The following RPS6KA2 variants were observed in gnomAD, a reference collection of about 807,000 sequenced individuals.
RPS6KA2 encodes ribosomal protein S6 kinase A2.
RPS6KA2 carries 42 observed loss-of-function variants against 91.8 expected under a neutral mutation model. The ratio of observed to expected loss-of-function variants is 0.46; its 90% CI spans 0.36 to 0.59. The LOEUF is 0.59. RPS6KA2 is among the 20% of genes least tolerant of loss of function. RPS6KA2 has a pLI of 0.00. For missense variants in RPS6KA2, 798 were observed against 978.5 expected (o/e 0.82, Z 2.46); for synonymous variants, 414 against 393.6 (o/e 1.05, Z -0.61).
At chr6:166,804,622 T>G (rs1779445525) in intron 2 of RPS6KA2, among the ~76,000 whole-genome samples, 1 of 152,172 alleles carries the variant, frequency 6.6e-6, no homozygotes, top group African/African-American at 2.4e-5. Flanking sequence ...GAGTATTATA[T>G]ATTTATCTAT....
At chr6:166,637,131 G>C (rs1043739232) in intron 2 of RPS6KA2, among the ~76,000 whole-genome samples, 4 of 152,212 alleles carry the variant, frequency 2.6e-5, no homozygotes, top group Non-Finnish European at 4.4e-5. Flanking sequence ...GGGGAGTGCT[G>C]ATATGCTAGG....
rs1430201860 is a variant in RPS6KA2, at chr6:166,409,979, A to G, written c.*2783T>C. On this transcript the variant is annotated 3_prime_UTR_variant, in exon 21 of 21. Coordinates refer to ENST00000265678, the MANE Select transcript of RPS6KA2 (RefSeq NM_021135.6). ...AAAGTGAAATCCTCACCTCTTGCCC[A>G]TGTTTGACTTTGGGATGGAATTCAG... 3 of 152,222 alleles carry G rather than the reference A, an allele frequency of 2.0e-5. No individual in the cohort carries two copies. The highest frequency in any genetic ancestry group is 7.2e-5 in the African/African-American group (3 of 41,458). 9.4% of individuals were successfully genotyped at this position (152,222 alleles called of 1,614,324 possible).
Position 166,412,740 on chromosome 6 carries a change from G to C in RPS6KA2, c.*22C>G, listed in dbSNP as rs189888320. 3.8e-6 allele frequency: 6 copies of C among 1,569,388 alleles called. No homozygotes were observed. In the African/African-American group the frequency reaches 4.0e-5, roughly 11 times the overall value. ...GCCCACGAGGATGCTGGCAGGGGAC[G>C]CTGGGGCCAGGGTCCCACCCGCTAC... On this transcript the variant is annotated 3_prime_UTR_variant, in exon 21 of 21. Transcript: ENST00000265678. The surrounding 1 kb of genome is among the most constrained non-coding windows in gnomAD (Gnocchi z 4.3).
At chr6:166,547,249 C>A (rs930774511) in intron 1 of RPS6KA2, among the ~76,000 whole-genome samples, 1 of 152,154 alleles carries the variant, frequency 6.6e-6, no homozygotes, top group Non-Finnish European at 1.5e-5. Flanking sequence ...ACTCACTCTA[C>A]AATGCTGCAA....
chr6:166,474,139 G>A lies in RPS6KA2; in HGVS notation c.908-4234C>T, dbSNP rs116923289. Among the ~76,000 whole-genome samples the A allele has an allele frequency of 2.0e-5, 3 of 152,200 alleles. No individual in the cohort carries two copies. In the East Asian group the frequency reaches 5.8e-4, roughly 29 times the overall value. ...GGTCTCTAGCGGCTCCCTAGGGCTG[G>A]TTGTGAGGGTGGGGCTGCCTGGTCT... On this transcript the variant is annotated intron_variant, in intron 10 of 20. Transcript: ENST00000265678.
intron 3 of RPS6KA2, among the ~76,000 whole-genome samples, chr6:166,525,524 A>C (rs929904309): frequency 6.6e-6 from 1 of 152,164 alleles, no homozygotes; most frequent in Admixed American, 6.5e-5. Flanking sequence ...TTTGGAGATC[A>C]AATGGAGCCG....
intron 2 of RPS6KA2, among the ~76,000 whole-genome samples, chr6:166,727,494 A>C (rs1583054726): frequency 6.6e-6 from 1 of 152,030 alleles, no homozygotes; most frequent in East Asian, 1.9e-4. Context: ...CTCAGGTATC[A>C]GCACCCTAAG....
At chr6:166,623,417 A>AT (rs1490850194) in intron 1 of RPS6KA2, among the ~76,000 whole-genome samples, 1 of 152,208 alleles carries the variant, frequency 6.6e-6, no homozygotes, top group Non-Finnish European at 1.5e-5. Flanking sequence ...TGGTTCTGCT[A>AT]AGTTAGGACG....
At chr6:166,627,258 G>A (rs996052896), upstream of RPS6KA2, 1 of 1,009,702 alleles carries the variant, frequency 9.9e-7, no homozygotes, top group South Asian at 4.6e-5. Context: ...GAGTACCAGC[G>A]CCGGCCACGC....
chr6:166,763,645 A>T (rs543577279), intron 2 of RPS6KA2, among the ~76,000 whole-genome samples: 2 of 152,360 alleles, frequency 1.3e-5, no homozygotes, highest in South Asian at 2.1e-4. Flanking sequence ...ACCAAAAGTT[A>T]ATTAAGAAAG....
intron 1 of RPS6KA2, among the ~76,000 whole-genome samples, chr6:166,565,972 C>G (rs1211390796): frequency 1.3e-5 from 2 of 152,224 alleles, no homozygotes; most frequent in African/African-American, 2.4e-5. Context: ...TCGTGGACAA[C>G]TGCCATGTGG....
chr6:166,773,033 C>T (rs76829116), intron 2 of RPS6KA2, among the ~76,000 whole-genome samples: 4,803 of 152,176 alleles, frequency 0.032, 261 homozygotes, highest in African/African-American at 0.11. Context: ...CACCCATCCT[C>T]TCTACACCAT....
intron 11 of RPS6KA2, among the ~76,000 whole-genome samples, chr6:166,461,645 A>T (rs1158777959): frequency 6.6e-6 from 1 of 152,152 alleles, no homozygotes; most frequent in East Asian, 1.9e-4. Flanking sequence ...GATCCAGCAC[A>T]GAGCCAGGCC....
chr6:166,478,014 C>T (rs538139169), intron 10 of RPS6KA2, among the ~76,000 whole-genome samples: 6 of 152,244 alleles, frequency 3.9e-5, no homozygotes, highest in Admixed American at 6.5e-5. Context: ...TGAATAAATA[C>T]GTCCAGCATC....
At chr6:166,801,426 T>C (rs564083857) in intron 2 of RPS6KA2, among the ~76,000 whole-genome samples, 2 of 152,294 alleles carry the variant, frequency 1.3e-5, no homozygotes, top group Admixed American at 6.5e-5. Context: ...CACTGCAGCC[T>C]CCAACTCATA....
intron 2 of RPS6KA2, among the ~76,000 whole-genome samples, chr6:166,681,678 CT>C (rs1788812377): frequency 1.5e-5 from 1 of 68,860 alleles, no homozygotes; most frequent in African/African-American, 8.8e-5. Context: ...CTCCCTGGAT[CT>C]CCCCCTGCCC....
At chr6:166,589,881 T>G (rs1480456834) in intron 1 of RPS6KA2, among the ~76,000 whole-genome samples, 1 of 152,150 alleles carries the variant, frequency 6.6e-6, no homozygotes, top group Non-Finnish European at 1.5e-5. Context: ...GGAGAGAGAC[T>G]TGGGATCTTA....
intron 2 of RPS6KA2, among the ~76,000 whole-genome samples, chr6:166,857,919 C>A (rs902209164): frequency 6.6e-6 from 1 of 152,212 alleles, no homozygotes; most frequent in South Asian, 2.1e-4. Flanking sequence ...CCATGACCCT[C>A]ACAAGTGCCC....
chr6:166,676,205 T>C (rs552823866), intron 2 of RPS6KA2, among the ~76,000 whole-genome samples: 338 of 151,880 alleles, frequency 2.2e-3, no homozygotes, highest in African/African-American at 7.8e-3. Flanking sequence ...TAATCCCAGC[T>C]ACTCAGGAGG....
Sources: gnomAD v4.1 joint callset for allele counts (sites outside exome capture counted in the v4.1 genomes callset) on GRCh38, gnomAD v4.1.1 for gene constraint, Gnocchi (gnomAD v3.1) non-coding constraint, MANE v1.5 for transcripts, NCBI Gene and HGNC (gene_info 2026-07-23, HGNC 2026-07-21) for gene names.